The following BCR variants were observed in gnomAD, a reference collection of about 807,000 sequenced individuals.
The protein encoded by BCR is BCR activator of RhoGEF and GTPase, also known as breakpoint cluster region protein.
BCR carries 58 observed loss-of-function variants against 138.6 expected under a neutral mutation model. The observed-to-expected ratio is 0.42, with a 90% CI of 0.34 to 0.52. The LOEUF (loss-of-function observed/expected upper bound fraction) is 0.52. BCR is among the 20% of genes least tolerant of loss of function. The pLI is 0.06. For synonymous variants in BCR, 786 were observed against 730.1 expected (o/e 1.08, Z -1.23); for missense variants, 1,599 against 1,727.2 (o/e 0.93, Z 1.32).
intron 15 of BCR, among the ~76,000 whole-genome samples, chr22:23,293,311 C>A (rs554261918): frequency 5.3e-4 from 80 of 152,300 alleles, no homozygotes; most frequent in Non-Finnish European, 8.4e-4. Flanking sequence ...GAGCTGCCTC[C>A]CACCCCTGCT....
intron 1 of BCR, among the ~76,000 whole-genome samples, chr22:23,183,511 T>C (rs1271994570): frequency 6.6e-6 from 1 of 152,230 alleles, no homozygotes; most frequent in Non-Finnish European, 1.5e-5. Context: ...GGCTCCGACC[T>C]GCCGTCTGGC....
chr22:23,254,056 T>G, intron 2 of BCR, 76 bp downstream of exon 2: 1 of 1,465,394 alleles, frequency 6.8e-7, no homozygotes, highest in Non-Finnish European at 9.1e-7. Flanking sequence ...CTCAGGGGTA[T>G]GTAGCAGGTA....
intron 1 of BCR, among the ~76,000 whole-genome samples, chr22:23,212,941 G>A (rs1602020766): frequency 6.6e-6 from 1 of 152,344 alleles, no homozygotes; most frequent in African/African-American, 2.4e-5. Context: ...GTGAGGGACG[G>A]CAGCTTTAAC....
chr22:23,265,279 A>G (rs2073426695), intron 4 of BCR, among the ~76,000 whole-genome samples: 1 of 152,258 alleles, frequency 6.6e-6, no homozygotes, highest in Admixed American at 6.5e-5. Context: ...GTTGTTCCCC[A>G]TAACGACGAG....
rs199823582 is a variant in BCR, at chr22:23,182,227, C to T, written c.1267C>T (p.His423Tyr). ...GCCCAACGATGGCGAGGGCGCCTTC[C>T]ATGGAGACGCAGGTGAGTTCCTCAC... Reference protein sequence around the residue: ...IWPNDGEGAFHGDADGSFGTP... With the variant: ...IWPNDGEGAFYGDADGSFGTP... The change falls in exon 1 of 23, where the codon CAT becomes TAT. Residue 423 changes from histidine (H) to tyrosine (Y), a missense_variant. By Grantham distance (83) the His-to-Tyr change is moderately conservative. Coordinates refer to ENST00000305877, the MANE Select transcript of BCR (RefSeq NM_004327.4). 33 of 1,569,776 alleles carry T rather than the reference C, an allele frequency of 2.1e-5. 1 individual carries two copies. The highest frequency in any genetic ancestry group is 6.8e-5 in the South Asian group (6 of 88,610).
chr22:23,258,689 A>G (rs1349824859), intron 2 of BCR, among the ~76,000 whole-genome samples: 1 of 152,192 alleles, frequency 6.6e-6, no homozygotes, highest in African/African-American at 2.4e-5. Flanking sequence ...TGTTACTCAC[A>G]TACGATAGGT....
In BCR at chr22:23,181,120, T is replaced by A; in HGVS notation, c.160T>A (p.Phe54Ile). ...GGAGCAGGAGGTGAACCAGGAGCGC[T>A]TCCGCATGATCTACCTGCAGACGTT... is the stretch of plus-strand genomic sequence containing the variant. ...RLEQEVNQER[F>I]RMIYLQTLLA... Residue 54 changes from phenylalanine to isoleucine, a missense_variant, in exon 1 of 23, where the codon TTC becomes ATC. Coordinates refer to ENST00000305877, the MANE Select transcript of BCR (RefSeq NM_004327.4). 1 of 1,498,136 alleles carries A rather than the reference T, an allele frequency of 6.7e-7. No individual in the cohort carries two copies. The highest frequency in any genetic ancestry group is 1.3e-5 in the South Asian group (1 of 79,854). 92.8% of individuals were successfully genotyped at this position (1,498,136 alleles called of 1,614,324 possible).
chr22:23,308,761 T>C (rs2073975570), intron 16 of BCR, among the ~76,000 whole-genome samples: 1 of 152,090 alleles, frequency 6.6e-6, no homozygotes, highest in Non-Finnish European at 1.5e-5. Context: ...CATGACAGGG[T>C]GTTACATACC....
At chr22:23,290,522 A>G (rs1022070133) in intron 14 of BCR, 109 bp downstream of exon 14, 1 of 1,113,162 alleles carries the variant, frequency 9.0e-7, no homozygotes, top group African/African-American at 1.5e-5. Context: ...TCAGATGACC[A>G]CGGGACACCT....
chr22:23,268,300 G>T, intron 4 of BCR, 108 bp from the exon 5 acceptor site: 6 of 859,984 alleles, frequency 7.0e-6, no homozygotes, highest in Non-Finnish European at 1.1e-5. Context: ...CCTGTGTGCC[G>T]TCTGCTGTCC....
At chr22:23,264,335 C>T (rs2073411830) in intron 4 of BCR, 13 of 987,230 alleles carry the variant, frequency 1.3e-5, no homozygotes, top group South Asian at 1.3e-4. Context: ...ACAACCTCCA[C>T]GTCCTGGATA....
rs371994625 is a variant in BCR, at chr22:23,287,273, G to A, written c.2521G>A (p.Gly841Ser). ...GGCCTTCAGGGTGCACAGCCGCAACGGCAAGGTGAGCGCCTGCTGTTCCGG... is the reference window on the plus strand; with the variant it reads ...GGCCTTCAGGGTGCACAGCCGCAACAGCAAGGTGAGCGCCTGCTGTTCCGG... ...SMAFRVHSRN[G>S]KSYTFLISSD... The change falls in exon 11 of 23, where the codon GGC becomes AGC. Residue 841 changes from glycine (G) to serine (S), a missense_variant. Gly to Ser is a moderately conservative substitution (Grantham distance 56). This residue lies in a region of BCR where 590 missense variants were observed against 762.4 expected (regional missense o/e 0.77). Transcript: ENST00000305877. The A allele has an allele frequency of 1.9e-5, 30 of 1,545,792 alleles. No individual in the cohort carries two copies. Among genetic ancestry groups the A allele is most frequent in the Middle Eastern group, 1.7e-4 (1 of 5,954 alleles).
chr22:23,298,590 TCCTTTCCTTTTG>T (rs892950722), intron 16 of BCR, among the ~76,000 whole-genome samples: 20 of 144,654 alleles, frequency 1.4e-4, no homozygotes, highest in Admixed American at 1.0e-3. Context: ...TTTTCCTTTT[TCCTTTCCTTTTG>T]CCTTTCCTTC....
intron 4 of BCR, among the ~76,000 whole-genome samples, chr22:23,262,542 C>T (rs1229111984): frequency 1.3e-5 from 2 of 152,212 alleles, no homozygotes; most frequent in Non-Finnish European, 2.9e-5. Flanking sequence ...CCCCCTCCAT[C>T]TTTGAAGCCC....
At chr22:23,194,496 C>T (rs1035423022) in intron 1 of BCR, among the ~76,000 whole-genome samples, 2 of 151,758 alleles carry the variant, frequency 1.3e-5, no homozygotes, top group African/African-American at 4.8e-5. Flanking sequence ...CTGCAAACTC[C>T]GCCTCCCAGG....
At chr22:23,311,939 T>C (rs2074012461) in intron 19 of BCR, 103 bp downstream of exon 19, 1 of 1,495,306 alleles carries the variant, frequency 6.7e-7, no homozygotes, top group Admixed American at 2.2e-5. Flanking sequence ...TCCTTCTCTG[T>C]GTCTTTTCTT....
At chr22:23,303,245 G>A (rs1447526684) in intron 16 of BCR, among the ~76,000 whole-genome samples, 1 of 152,164 alleles carries the variant, frequency 6.6e-6, no homozygotes, top group East Asian at 1.9e-4. Flanking sequence ...ACTGGACAAA[G>A]CCCTGTCCTC....
At chr22:23,266,693 A>AT (rs751198589) in intron 4 of BCR, among the ~76,000 whole-genome samples, 1 of 152,140 alleles carries the variant, frequency 6.6e-6, no homozygotes, top group South Asian at 2.1e-4. Flanking sequence ...CAACCTTGAC[A>AT]TTTTTTGAAG....
intron 1 of BCR, among the ~76,000 whole-genome samples, chr22:23,237,792 G>A (rs1299876140): frequency 6.6e-6 from 1 of 152,220 alleles, no homozygotes; most frequent in Non-Finnish European, 1.5e-5. Context: ...AGGGTCACCC[G>A]CTGACCTGCA....
Sources: gnomAD v4.1 joint callset for allele counts (sites outside exome capture counted in the v4.1 genomes callset) on GRCh38, gnomAD v4.1.1 for gene constraint, gnomAD v4.1.1 regional missense constraint, MANE v1.5 for transcripts, NCBI Gene and HGNC (gene_info 2026-07-23, HGNC 2026-07-21) for gene names.